The following HEMK2 variants were observed in gnomAD, a reference collection of about 807,000 sequenced individuals.
HEMK2 encodes the protein HemK methyltransferase 2, ETF1 glutamine and histone H4 lysine.
the HEMK2 span, among the ~76,000 whole-genome samples, chr21:28,753,505 G>A: frequency 0.16 from 24,375 of 152,062 alleles, 2,227 homozygotes; most frequent in East Asian, 0.25. Context: ...AACTCCCAGG[G>A]TCATTATGGG....
chr21:28,831,688 AAG>A, the HEMK2 span, among the ~76,000 whole-genome samples: 19 of 71,548 alleles, frequency 2.7e-4, no homozygotes, highest in African/African-American at 6.1e-4. Context: ...AGAAAGAAGG[AAG>A]GAAGGAAGGA....
chr21:28,777,033 T>C, the HEMK2 span, among the ~76,000 whole-genome samples: 1 of 152,190 alleles, frequency 6.6e-6, no homozygotes, highest in South Asian at 2.1e-4. Flanking sequence ...ATATTAACCA[T>C]CACAGTGGTT....
the HEMK2 span, among the ~76,000 whole-genome samples, chr21:28,589,268 CAT>C: frequency 2.6e-5 from 4 of 151,886 alleles, no homozygotes; most frequent in Admixed American, 6.6e-5. Flanking sequence ...TATCAAAACT[CAT>C]AGAACTGTAT....
the HEMK2 span, among the ~76,000 whole-genome samples, chr21:28,744,705 A>G: frequency 6.6e-6 from 1 of 152,198 alleles, no homozygotes; most frequent in East Asian, 1.9e-4. Flanking sequence ...TTCATTTGAT[A>G]ATCACCTTTT....
the HEMK2 span, among the ~76,000 whole-genome samples, chr21:28,657,581 A>C: frequency 1.3e-5 from 2 of 152,108 alleles, no homozygotes; most frequent in African/African-American, 2.4e-5. Flanking sequence ...ACTGCAGAGA[A>C]AAGACAAAAC....
chr21:28,784,046 G>A, the HEMK2 span, among the ~76,000 whole-genome samples: 10 of 152,302 alleles, frequency 6.6e-5, no homozygotes, highest in East Asian at 1.9e-4. Flanking sequence ...CCCCCACGGC[G>A]GTGGGCTCCT....
chr21:28,606,062 A>G, the HEMK2 span, among the ~76,000 whole-genome samples: 2 of 152,154 alleles, frequency 1.3e-5, no homozygotes, highest in African/African-American at 2.4e-5. Flanking sequence ...AAAAAGAGAA[A>G]CTGCAGACCT....
chr21:28,652,273 G>A, the HEMK2 span, among the ~76,000 whole-genome samples: 1 of 152,102 alleles, frequency 6.6e-6, no homozygotes, highest in Non-Finnish European at 1.5e-5. Flanking sequence ...TCTTCACTGG[G>A]GAAATCCCGA....
the HEMK2 span, among the ~76,000 whole-genome samples, chr21:28,852,236 C>T: frequency 6.6e-6 from 1 of 152,084 alleles, no homozygotes; most frequent in Non-Finnish European, 1.5e-5. Flanking sequence ...TGACCTTTTC[C>T]ACCATAATAG....
the HEMK2 span, among the ~76,000 whole-genome samples, chr21:28,595,876 G>A: frequency 0.02 from 2,971 of 145,784 alleles, 109 homozygotes; most frequent in African/African-American, 0.072. Context: ...GCTCTGCCTC[G>A]CAGGTTCATG....
chr21:28,650,527 T>G, the HEMK2 span, among the ~76,000 whole-genome samples: 1 of 151,988 alleles, frequency 6.6e-6, no homozygotes, highest in Non-Finnish European at 1.5e-5. Flanking sequence ...ACCAATTAGA[T>G]ATAGGAGTTG....
chr21:28,648,036 G>C, the HEMK2 span, among the ~76,000 whole-genome samples: 2 of 152,306 alleles, frequency 1.3e-5, no homozygotes, highest in African/African-American at 4.8e-5. Flanking sequence ...CAAATCACTA[G>C]TCAGAACTGA....
At chr21:28,635,632 A>G in the HEMK2 span, among the ~76,000 whole-genome samples, 1 of 152,204 alleles carries the variant, frequency 6.6e-6, no homozygotes, top group South Asian at 2.1e-4. Flanking sequence ...TTATTTAAAA[A>G]TAACTCATTT....
the HEMK2 span, among the ~76,000 whole-genome samples, chr21:28,883,544 A>ATAATAATTCTT: frequency 0.47 from 71,843 of 152,024 alleles, 19,839 homozygotes; most frequent in Non-Finnish European, 0.62. Flanking sequence ...GAGAATTAAA[A>ATAATAATTCTT]GGTCCCCCAA....
chr21:28,734,084 C>T, the HEMK2 span, among the ~76,000 whole-genome samples: 3 of 151,970 alleles, frequency 2.0e-5, no homozygotes, highest in Non-Finnish European at 4.4e-5. Flanking sequence ...ATCAAACCTT[C>T]TAAGTCCAAG....
At chr21:28,760,008 A>C in the HEMK2 span, among the ~76,000 whole-genome samples, 3 of 151,368 alleles carry the variant, frequency 2.0e-5, no homozygotes, top group East Asian at 5.8e-4. Context: ...ACAAGGACTG[A>C]ATTGCCATCA....
At chr21:28,774,940 G>A in the HEMK2 span, among the ~76,000 whole-genome samples, 502 of 152,172 alleles carry the variant, frequency 3.3e-3, 2 homozygotes, top group African/African-American at 9.4e-3. Flanking sequence ...ATAATTTCAT[G>A]AGGAAAACCT....
the HEMK2 span, among the ~76,000 whole-genome samples, chr21:28,852,355 C>T: frequency 1.3e-5 from 2 of 152,172 alleles, no homozygotes; most frequent in East Asian, 1.9e-4. Flanking sequence ...GGATGAGTCC[C>T]GGGACACACT....
the HEMK2 span, among the ~76,000 whole-genome samples, chr21:28,779,537 T>C: frequency 6.6e-6 from 1 of 152,240 alleles, no homozygotes; most frequent in Admixed American, 6.5e-5. Context: ...CTTTTAGATC[T>C]ATTGAGCAGC....
Sources: gnomAD v4.1 joint callset for allele counts (sites outside exome capture counted in the v4.1 genomes callset) on GRCh38, gnomAD v4.1.1 for gene constraint, MANE v1.5 for transcripts, NCBI Gene and HGNC (gene_info 2026-07-23, HGNC 2026-07-21) for gene names.